The following ITIH4 variants were observed in gnomAD, a reference collection of about 807,000 sequenced individuals.
ITIH4 encodes the protein inter-alpha-trypsin inhibitor heavy chain H4.
Under a neutral mutation model 111.8 loss-of-function variants are expected in ITIH4, and 79 were observed. That is an observed-to-expected ratio of 0.71 (90% confidence interval 0.59 to 0.85). ITIH4 has a LOEUF of 0.85. Among genes scored for constraint, ITIH4 ranks in the 40% least tolerant of loss-of-function variants. The pLI is 0.00. For synonymous variants in ITIH4, 472 were observed against 468.3 expected, an observed-to-expected ratio of 1.01 and a Z score of -0.10; for missense variants, 1,065 against 1,195.8, an observed-to-expected ratio of 0.89 and a Z score of 1.61.
intron 13 of ITIH4, 101 bp from the exon 14 acceptor site, chr3:52,820,418 G>A: frequency 1.5e-6 from 2 of 1,344,752 alleles, no homozygotes; most frequent in Non-Finnish European, 2.1e-6. Context: ...GTTTAATCTT[G>A]CTACCCAATC....
chr3:52,823,503 C>A, intron 11 of ITIH4, 53 bp downstream of exon 11: 1 of 1,467,786 alleles, frequency 6.8e-7, no homozygotes. Flanking sequence ...GCCCCTCTGG[C>A]TGCAGAGGTG....
intron 21 of ITIH4, among the ~76,000 whole-genome samples, chr3:52,814,668 C>G (rs1700249094): frequency 6.6e-6 from 1 of 152,152 alleles, no homozygotes; most frequent in Admixed American, 6.5e-5. Flanking sequence ...CTCGTTGCAA[C>G]CTGTGCCTCC....
At chr3:52,813,943 C>T (rs750550676) in intron 23 of ITIH4, 32 bp downstream of exon 23, 1 of 1,578,286 alleles carries the variant, frequency 6.3e-7, no homozygotes, top group South Asian at 1.1e-5. Flanking sequence ...CCCACCCCAG[C>T]TGGGCTCAGC....
At chr3:52,819,835 C>G (rs755009804) in intron 15 of ITIH4, 43 bp from the exon 16 acceptor site, 4 of 1,611,730 alleles carry the variant, frequency 2.5e-6, no homozygotes, top group Non-Finnish European at 3.4e-6. Flanking sequence ...AACTGAGGCC[C>G]GAGGGCTGTC....
chr3:52,815,523 T>G (rs1490556858), intron 21 of ITIH4, among the ~76,000 whole-genome samples: 1 of 152,132 alleles, frequency 6.6e-6, no homozygotes, highest in Non-Finnish European at 1.5e-5. Flanking sequence ...ATTACAGGCA[T>G]GAGCCACCGT....
Position 52,814,381 on chromosome 3 carries a change from G to A in ITIH4, c.2472-18C>T. The A allele has an allele frequency of 1.2e-6, 2 of 1,612,290 alleles. No homozygotes were observed. Among genetic ancestry groups the A allele is most frequent in the Non-Finnish European group, 1.7e-6 (2 of 1,178,554 alleles). ...TCTTCAGGCTGTGGAAAGACCCAGT[G>A]TCTTGAGCAGGAAGGTAGAGACGTG... On this transcript the variant is annotated intron_variant, in intron 21 of 23. Transcript: ENST00000266041.
rs200309113 is a variant in ITIH4, at chr3:52,814,064, A to G, written c.2634T>C (p.Phe878=). 6.2e-7 allele frequency: 1 copy of G among 1,613,848 alleles called. No individual in the cohort carries two copies. The change falls in exon 23 of 24, where the codon TTT becomes TTC. Residue 878 remains phenylalanine, a synonymous_variant. Transcript: ENST00000266041. ...GAGATCCCCAGAGCACCTCCTGGTAAAACTGGCCTGAGATACAAAGGGTGG... is the reference window on the plus strand; with the variant it reads ...GAGATCCCCAGAGCACCTCCTGGTAGAACTGGCCTGAGATACAAAGGGTGG... ...SSHVGGTLGQ[F]YQEVLWGSPA... is the part of the protein sequence containing the mutation.
chr3:52,828,146 C>T (rs1248127542), intron 2 of ITIH4, among the ~76,000 whole-genome samples: 3 of 152,208 alleles, frequency 2.0e-5, no homozygotes, highest in African/African-American at 7.2e-5. Flanking sequence ...GGAACCTGCT[C>T]TCTGCTCCCC....
At chr3:52,830,141 C>T (rs776284926) in intron 1 of ITIH4, 12 of 349,210 alleles carry the variant, frequency 3.4e-5, no homozygotes, top group Non-Finnish European at 6.2e-5. Context: ...GTTTGGTTTT[C>T]ACAACAAGCA....
intron 21 of ITIH4, among the ~76,000 whole-genome samples, chr3:52,815,534 G>A (rs990974311): frequency 4.7e-5 from 7 of 150,486 alleles, no homozygotes; most frequent in South Asian, 2.1e-4. Context: ...GAGCCACCGT[G>A]CCCAACCTAT....
chr3:52,824,503 G>C lies in ITIH4; in HGVS notation c.939C>G (p.Ile313Met). 1 of 1,614,136 alleles carries C rather than the reference G, an allele frequency of 6.2e-7. No individual in the cohort carries two copies. The highest frequency in any genetic ancestry group is 8.5e-7 in the Non-Finnish European group (1 of 1,180,046). Residue 313 changes from isoleucine (I) to methionine (M), a missense_variant, in exon 8 of 24, where the codon ATC (isoleucine) becomes ATG (methionine). Coordinates refer to ENST00000266041, the MANE Select transcript of ITIH4 (RefSeq NM_002218.5). The surrounding 1 kb of genome is among the most constrained non-coding windows in gnomAD (Gnocchi z 4.3). ...DLSPRDQFNLIVFSTEATQWR... is the reference protein window; with the variant it reads ...DLSPRDQFNLMVFSTEATQWR... ...ACTGAGTTGCTTCTGTACTGAAGAC[G>C]ATGAGGTTGAACTGGTCTCTGGGGC... is the stretch of plus-strand genomic sequence containing the variant.
intron 1 of ITIH4, 160 bp downstream of exon 1, chr3:52,830,393 C>T (rs758310273): frequency 4.0e-6 from 3 of 741,284 alleles, no homozygotes; most frequent in Non-Finnish European, 7.4e-6. Flanking sequence ...CCAGTAAGGC[C>T]CTTGGGGTAG....
At chr3:52,829,033 T>C in intron 2 of ITIH4, 86 bp downstream of exon 2, 1 of 1,302,486 alleles carries the variant, frequency 7.7e-7, no homozygotes, top group African/African-American at 1.5e-5. Flanking sequence ...CATGCCTTAC[T>C]TCAAGAAGAG....
chr3:52,828,832 G>A (rs1299886536), intron 2 of ITIH4, among the ~76,000 whole-genome samples: 1 of 152,202 alleles, frequency 6.6e-6, no homozygotes, highest in Admixed American at 6.5e-5. Flanking sequence ...GAGGCCTCAA[G>A]TCTGTGCTCC....
intron 14 of ITIH4, 94 bp downstream of exon 14, chr3:52,820,196 TG>T (rs1700354565): frequency 1.3e-6 from 2 of 1,541,682 alleles, no homozygotes; most frequent in Admixed American, 3.4e-5. Context: ...TGGGTGGACC[TG>T]GGCCCTGGCC....
At chr3:52,818,915 CA>C (rs1700326023) in intron 17 of ITIH4, 2 of 308,032 alleles carry the variant, frequency 6.5e-6, no homozygotes, top group African/African-American at 2.2e-5. Flanking sequence ...GCCTGATGTC[CA>C]TACACTGGGT....
At position 52,825,035 on chromosome 3, in the gene ITIH4, A is replaced by C. The variant is rs1559481572; in HGVS notation, c.760-77T>G. The C allele has an allele frequency of 1.4e-5, 14 of 971,664 alleles. No individual in the cohort carries two copies. The East Asian group carries it at 2.7e-4, about 19-fold the overall frequency. 60.2% of individuals were successfully genotyped at this position (971,664 alleles called of 1,614,324 possible). A position where few individuals can be genotyped will look rare whatever the true frequency, so the allele number is the denominator to read the frequency against. ...TCCCCATTCAGCCCCTTTACCCCAA[A>C]TTCTGGGTTTCTGTGCTCTGTTCCA... On this transcript the variant is annotated intron_variant, in intron 6 of 23. Transcript: ENST00000266041.
chr3:52,824,368 C>T lies in ITIH4; in HGVS notation c.1045+29G>A, dbSNP rs766207335. On this transcript the variant is annotated intron_variant, in intron 8 of 23. Transcript: ENST00000266041. This position sits in a 1 kb window ranked among gnomAD's most constrained non-coding sequence, Gnocchi z 4.3. ...CCCCAGCCAGGAGCCCTGGAAGCCC[C>T]CACCCTGCAGGGCCACAGAGACACT... 1.9e-6 allele frequency: 3 copies of T among 1,612,712 alleles called. No individual in the cohort carries two copies. The highest frequency in any genetic ancestry group is 1.7e-5 in the Admixed American group (1 of 60,006).
At chr3:52,827,052 G>A (rs1271937566) in intron 3 of ITIH4, 41 bp downstream of exon 3, 1 of 1,611,430 alleles carries the variant, frequency 6.2e-7, no homozygotes. Context: ...GGTGGCCTTT[G>A]TCTAGACCCT....
Sources: allele counts gnomAD v4.1 joint callset (sites outside exome capture counted in the v4.1 genomes callset), GRCh38; gene constraint gnomAD v4.1.1; non-coding constraint Gnocchi (gnomAD v3.1); transcripts MANE v1.5; gene names NCBI Gene and HGNC (gene_info 2026-07-23, HGNC 2026-07-21).